The following RFX3 variants were observed in gnomAD, a reference collection of about 807,000 sequenced individuals.
The protein encoded by RFX3 is transcription factor RFX3.
In RFX3, 14 loss-of-function variants were observed where a neutral mutation model predicts 98.6. That is an observed-to-expected ratio of 0.14 (90% CI 0.09 to 0.22). The LOEUF is 0.22. Ranked by LOEUF, RFX3 falls within the 10% of genes least tolerant of loss-of-function variation. The pLI is 1.00. For synonymous variants in RFX3, 383 were observed against 328.4 expected, an observed-to-expected ratio of 1.17 and a Z score of -1.80; for missense variants, 639 against 926.9, an observed-to-expected ratio of 0.69 and a Z score of 4.03.
chr9:3,267,143 T>G (rs1823755727), intron 11 of RFX3, among the ~76,000 whole-genome samples: 1 of 151,990 alleles, frequency 6.6e-6, no homozygotes, highest in African/African-American at 2.4e-5. Context: ...CAGAATACTT[T>G]CCTTGTTCAA....
At chr9:3,420,245 A>T (rs374295290) in intron 1 of RFX3, among the ~76,000 whole-genome samples, 9 of 152,314 alleles carry the variant, frequency 5.9e-5, no homozygotes, top group African/African-American at 2.2e-4. Flanking sequence ...AGGCCAGGAA[A>T]GCACTCATAC....
At chr9:3,471,030 A>T (rs985877938) in intron 1 of RFX3, among the ~76,000 whole-genome samples, 4 of 152,212 alleles carry the variant, frequency 2.6e-5, no homozygotes, top group Non-Finnish European at 5.9e-5. Context: ...ATCTACATTA[A>T]TGTAATTCTC....
intron 1 of RFX3, among the ~76,000 whole-genome samples, chr9:3,426,585 AT>A (rs1261015416): frequency 1.3e-5 from 2 of 152,074 alleles, no homozygotes; most frequent in East Asian, 3.9e-4. Context: ...GCCACTCCCC[AT>A]TGCCCACATT....
chr9:3,369,914 C>T (rs1837619311), intron 2 of RFX3, among the ~76,000 whole-genome samples: 1 of 151,944 alleles, frequency 6.6e-6, no homozygotes, highest in African/African-American at 2.4e-5. Context: ...ACTGCAAGCT[C>T]CGCCCTCGGG....
At chr9:3,443,316 A>G (rs2380762) in intron 1 of RFX3, among the ~76,000 whole-genome samples, 1 of 152,032 alleles carries the variant, frequency 6.6e-6, no homozygotes. Flanking sequence ...TATTAAGCCC[A>G]GCATCCATTA....
intron 1 of RFX3, among the ~76,000 whole-genome samples, chr9:3,471,454 T>G (rs1393675378): frequency 1.3e-5 from 2 of 152,344 alleles, no homozygotes; most frequent in East Asian, 1.9e-4. Flanking sequence ...TATATCTGAC[T>G]GTCAATTACA....
chr9:3,327,222 G>A (rs775828357), intron 4 of RFX3, among the ~76,000 whole-genome samples: 2 of 151,826 alleles, frequency 1.3e-5, no homozygotes, highest in African/African-American at 4.8e-5. Flanking sequence ...TTGATTTTTA[G>A]GAGTGAAAAC....
chr9:3,362,619 C>T (rs1836587224), intron 2 of RFX3, among the ~76,000 whole-genome samples: 1 of 152,180 alleles, frequency 6.6e-6, no homozygotes, highest in Non-Finnish European at 1.5e-5. Flanking sequence ...ATAGGCAACT[C>T]TAACTTGTGA....
intron 3 of RFX3, among the ~76,000 whole-genome samples, chr9:3,343,710 C>G (rs111252936): frequency 4.4e-4 from 67 of 152,248 alleles, no homozygotes; most frequent in African/African-American, 1.5e-3. Flanking sequence ...AACCTTTAGT[C>G]AAAAATTATC....
At chr9:3,386,260 A>C (rs979539406) in intron 2 of RFX3, among the ~76,000 whole-genome samples, 1 of 152,192 alleles carries the variant, frequency 6.6e-6, no homozygotes, top group Admixed American at 6.6e-5. Flanking sequence ...AAAAACTCCA[A>C]ATTTTTTTTT....
intron 1 of RFX3, among the ~76,000 whole-genome samples, chr9:3,509,726 A>C (rs1817474532): frequency 6.6e-6 from 1 of 152,032 alleles, no homozygotes; most frequent in South Asian, 2.1e-4. Context: ...TTTCTAGAAA[A>C]AAATATGGAG....
chr9:3,275,950 T>C, intron 8 of RFX3, among the ~76,000 whole-genome samples: 1 of 152,278 alleles, frequency 6.6e-6, no homozygotes. Flanking sequence ...ATTTTAGATA[T>C]TTTTATTATG....
At chr9:3,454,000 T>G (rs1484891931) in intron 1 of RFX3, among the ~76,000 whole-genome samples, 2 of 152,174 alleles carry the variant, frequency 1.3e-5, no homozygotes. Flanking sequence ...TTAGTAAAAA[T>G]ACAAGTTAGA....
At chr9:3,437,534 G>A (rs888195093) in intron 1 of RFX3, among the ~76,000 whole-genome samples, 11 of 152,032 alleles carry the variant, frequency 7.2e-5, no homozygotes, top group East Asian at 1.9e-4. Flanking sequence ...GGAAATCCTC[G>A]TAGAAGAAGG....
chr9:3,366,693 C>CCTTTCTTTCTTTTTTTCTTTCTTT lies in RFX3; in HGVS notation c.118-19930_118-19929insAAAGAAAGAAAAAAAGAAAGAAAG, dbSNP rs1837142736. On this transcript the variant is annotated intron_variant, in intron 2 of 16. Transcript: ENST00000617270. ...CTTTCTCTTTCTTTCTTCTTTCTTT[C>CCTTTCTTTCTTTTTTTCTTTCTTT]CTTTCTTTCTTTCTTTCTTTCTTTC... is the stretch of plus-strand genomic sequence containing the variant. 6.4e-4 allele frequency among the ~76,000 whole-genome samples: 55 copies of CCTTTCTTTCTTTTTTTCTTTCTTT among 85,490 alleles called. 1 individual carries two copies. The highest frequency in any genetic ancestry group is 2.8e-3 in the African/African-American group (54 of 19,304). 56.1% of individuals were successfully genotyped at this position (85,490 alleles called of 152,430 possible).
intron 3 of RFX3, among the ~76,000 whole-genome samples, chr9:3,345,170 G>A (rs1386013221): frequency 6.6e-6 from 1 of 152,118 alleles, no homozygotes; most frequent in Non-Finnish European, 1.5e-5. Context: ...CAGGGTCCAT[G>A]TCACAAAGAA....
At chr9:3,335,634 G>C (rs1357795280) in intron 3 of RFX3, among the ~76,000 whole-genome samples, 3 of 152,098 alleles carry the variant, frequency 2.0e-5, no homozygotes, top group African/African-American at 7.2e-5. Context: ...GTTCTGTATT[G>C]ATTACCATAG....
At chr9:3,514,964 T>C (rs1818010683) in intron 1 of RFX3, among the ~76,000 whole-genome samples, 2 of 152,178 alleles carry the variant, frequency 1.3e-5, no homozygotes, top group African/African-American at 4.8e-5. Flanking sequence ...TGACACGTCA[T>C]CAAAATTCAT....
At chr9:3,361,485 G>A (rs1034102897) in intron 2 of RFX3, among the ~76,000 whole-genome samples, 1 of 151,932 alleles carries the variant, frequency 6.6e-6, no homozygotes, top group African/African-American at 2.4e-5. Flanking sequence ...TCATAAACCT[G>A]AAAACAGCTT....
Sources: gnomAD v4.1 joint callset for allele counts (sites outside exome capture counted in the v4.1 genomes callset) on GRCh38, gnomAD v4.1.1 for gene constraint, MANE v1.5 for transcripts, NCBI Gene and HGNC (gene_info 2026-07-23, HGNC 2026-07-21) for gene names.